The following MTURN variants were observed in gnomAD, a reference collection of about 807,000 sequenced individuals.
MTURN encodes the protein maturin.
Under a neutral mutation model 14.9 loss-of-function variants are expected in MTURN, and 7 were observed. That is an observed-to-expected ratio of 0.47 (90% CI 0.27 to 0.88). The LOEUF (loss-of-function observed/expected upper bound fraction) is 0.88. Among genes scored for constraint, MTURN ranks in the 40% least tolerant of loss-of-function variants. MTURN has a pLI of 0.14. For synonymous variants in MTURN, 69 were observed against 72.5 expected (o/e 0.95, Z 0.25); for missense variants, 151 against 174.1 (o/e 0.87, Z 0.75).
intron 1 of MTURN, chr7:30,137,746 C>G (rs199654590): frequency 8.3e-4 from 374 of 453,168 alleles, no homozygotes; most frequent in African/African-American, 7.0e-3. Flanking sequence ...TAGTTCTTTT[C>G]TTTTTCCCTG....
chr7:30,159,329 A>G lies in MTURN; in HGVS notation c.*1781A>G, dbSNP rs1359568318. On this transcript the variant is annotated 3_prime_UTR_variant, in exon 3 of 3. Transcript: ENST00000324453. ...GAGCAAAGGTGATTGTGAGCTGTAT[A>G]TTACACAGGTGTCGCCCAGGTTTCG... 6.6e-6 allele frequency: 1 copy of G among 152,194 alleles called. No homozygotes were observed. Among genetic ancestry groups the G allele is most frequent in the African/African-American group, 2.4e-5 (1 of 41,436 alleles). 9.4% of individuals were successfully genotyped at this position (152,194 alleles called of 1,614,324 possible). A position where few individuals can be genotyped will look rare whatever the true frequency, so the allele number is the denominator to read the frequency against.
chr7:30,137,772 A>C, intron 1 of MTURN: 1 of 430,818 alleles, frequency 2.3e-6, no homozygotes, highest in Non-Finnish European at 4.9e-6. Context: ...TGTATTAAGC[A>C]TTAGACAAAA....
chr7:30,139,226 A>G (rs966320970), intron 1 of MTURN, among the ~76,000 whole-genome samples: 2 of 152,226 alleles, frequency 1.3e-5, no homozygotes, highest in Non-Finnish European at 2.9e-5. Flanking sequence ...AAGAATAATA[A>G]TAATAGCCAT....
chr7:30,143,547 A>C (rs1797085718), intron 1 of MTURN, among the ~76,000 whole-genome samples: 1 of 151,938 alleles, frequency 6.6e-6, no homozygotes. Flanking sequence ...GACCGTGTAC[A>C]CCCGAATCTG....
At chr7:30,146,529 CTTGAG>C (rs1797132819) in intron 2 of MTURN, among the ~76,000 whole-genome samples, 1 of 151,442 alleles carries the variant, frequency 6.6e-6, no homozygotes, top group African/African-American at 2.4e-5. Flanking sequence ...TCTAGCATCA[CTTGAG>C]TTGAGAATCC....
chr7:30,138,298 A>T (rs1272879395), intron 1 of MTURN, among the ~76,000 whole-genome samples: 1 of 152,048 alleles, frequency 6.6e-6, no homozygotes, highest in Non-Finnish European at 1.5e-5. Context: ...TATTTTTCGT[A>T]GAGACAGGGT....
At position 30,135,297 on chromosome 7, in the gene MTURN, T is replaced by A; in HGVS notation, c.161T>A (p.Phe54Tyr). Residue 54 changes from phenylalanine to tyrosine, a missense_variant and splice_region_variant, in exon 1 of 3, where the codon TTT becomes TAT. Phe to Tyr is a conservative substitution (Grantham distance 22, BLOSUM62 3). Coordinates refer to ENST00000324453, the MANE Select transcript of MTURN (RefSeq NM_152793.3). ...LCPDNGCGDN[F>Y]HVWSESEDCL... Reference sequence around the variant, plus strand: ...CCGGACAACGGCTGCGGCGACAATTTTGTGAGTGCCTGGAGGAGGGACCGC... The same window carrying A: ...CCGGACAACGGCTGCGGCGACAATTATGTGAGTGCCTGGAGGAGGGACCGC... The A allele has an allele frequency of 6.6e-7, 1 of 1,520,340 alleles. No homozygotes were observed. 94.2% of individuals were successfully genotyped at this position (1,520,340 alleles called of 1,614,324 possible). A position where few individuals can be genotyped will look rare whatever the true frequency, so the allele number is the denominator to read the frequency against.
intron 1 of MTURN, among the ~76,000 whole-genome samples, chr7:30,139,890 A>T (rs916765203): frequency 2.6e-5 from 4 of 152,128 alleles, no homozygotes; most frequent in African/African-American, 9.7e-5. Context: ...CAAAGCTGCT[A>T]GTGCCCTGTG....
At chr7:30,138,048 G>A (rs1239934176) in intron 1 of MTURN, among the ~76,000 whole-genome samples, 1 of 152,122 alleles carries the variant, frequency 6.6e-6, no homozygotes, top group Non-Finnish European at 1.5e-5. Context: ...GACTACTTGG[G>A]TTTGCACCTC....
intron 2 of MTURN, among the ~76,000 whole-genome samples, chr7:30,150,556 T>C (rs1797195038): frequency 1.3e-5 from 2 of 152,244 alleles, no homozygotes; most frequent in African/African-American, 4.8e-5. Flanking sequence ...TTTCCACATT[T>C]TCTAAGTTTT....
chr7:30,138,888 C>T (rs1395185408), intron 1 of MTURN, among the ~76,000 whole-genome samples: 1 of 152,214 alleles, frequency 6.6e-6, no homozygotes, highest in African/African-American at 2.4e-5. Flanking sequence ...TTCTGTCTGC[C>T]TAGAACCCTC....
intron 1 of MTURN, among the ~76,000 whole-genome samples, chr7:30,145,275 C>T (rs1209011644): frequency 6.6e-6 from 1 of 152,132 alleles, no homozygotes; most frequent in Non-Finnish European, 1.5e-5. Flanking sequence ...ATTTGGGAGG[C>T]TGAGGCAGGT....
At chr7:30,146,506 G>A (rs1320263267) in intron 2 of MTURN, among the ~76,000 whole-genome samples, 1 of 152,170 alleles carries the variant, frequency 6.6e-6, no homozygotes, top group Non-Finnish European at 1.5e-5. Flanking sequence ...TTGCTGCAGG[G>A]ATGATGGTTA....
At chr7:30,136,024 ACACGCGG>A (rs938558891) in intron 1 of MTURN, among the ~76,000 whole-genome samples, 10 of 124 alleles carry the variant, frequency 0.081, no homozygotes, top group South Asian at 0.5. Context: ...ACTCACGCGC[ACACGCGG>A]CACGCCTCTC....
chr7:30,154,741 C>T (rs976837331), intron 2 of MTURN, among the ~76,000 whole-genome samples: 6 of 152,180 alleles, frequency 3.9e-5, no homozygotes, highest in African/African-American at 1.4e-4. Flanking sequence ...AAGGTGCCTC[C>T]AAATTCCAGA....
rs931909718 is a variant in MTURN, at chr7:30,161,928, A to G, written c.*4380A>G. 2.0e-5 allele frequency: 3 copies of G among 152,152 alleles called. No individual in the cohort carries two copies. The highest frequency in any genetic ancestry group is 7.2e-5 in the African/African-American group (3 of 41,420). The allele number at this position is 152,152 out of a possible 1,614,324, so 9.4% of individuals were successfully genotyped here. On this transcript the variant is annotated 3_prime_UTR_variant, in exon 3 of 3. Transcript: ENST00000324453. ...AGAATGCTGGTAGCCTGTGGTGTCC[A>G]TGGCAATGGGTGTCCATGGTAAAAT...
chr7:30,136,433 C>T (rs1796962891), intron 1 of MTURN, among the ~76,000 whole-genome samples: 1 of 152,258 alleles, frequency 6.6e-6, no homozygotes. Context: ...TGGTCGCGGG[C>T]CTTGTGGGCG....
At chr7:30,142,798 C>T (rs541108310) in intron 1 of MTURN, among the ~76,000 whole-genome samples, 6 of 152,320 alleles carry the variant, frequency 3.9e-5, no homozygotes, top group Admixed American at 3.3e-4. Flanking sequence ...AGGCTGTTGA[C>T]GCTCTGACTA....
chr7:30,150,856 A>G (rs2128032924), intron 2 of MTURN, among the ~76,000 whole-genome samples: 1 of 152,316 alleles, frequency 6.6e-6, no homozygotes, highest in East Asian at 1.9e-4. Flanking sequence ...TTTTGCTCCC[A>G]TGCTGTGTGG....
Sources: gnomAD v4.1 joint callset for allele counts (sites outside exome capture counted in the v4.1 genomes callset) on GRCh38, gnomAD v4.1.1 for gene constraint, MANE v1.5 for transcripts, NCBI Gene and HGNC (gene_info 2026-07-23, HGNC 2026-07-21) for gene names.